The following NCOA3 variants were observed in gnomAD, a reference collection of about 807,000 sequenced individuals.
The protein encoded by NCOA3 is nuclear receptor coactivator 3.
Under a neutral mutation model 158.8 loss-of-function variants are expected in NCOA3, and 51 were observed. That is an observed-to-expected ratio of 0.32 (90% CI 0.26 to 0.41). The LOEUF is 0.41. NCOA3 is among the 10% of genes least tolerant of loss of function. The pLI, the probability that NCOA3 is intolerant of heterozygous loss-of-function variation, is 1.00. For synonymous variants in NCOA3, 537 were observed against 592.4 expected, an observed-to-expected ratio of 0.91 and a Z score of 1.36; for missense variants, 1,510 against 1,746.6, an observed-to-expected ratio of 0.86 and a Z score of 2.41.
intron 1 of NCOA3, among the ~76,000 whole-genome samples, chr20:47,567,196 C>T (rs1194275238): frequency 6.6e-6 from 1 of 150,752 alleles, no homozygotes; most frequent in Non-Finnish European, 1.5e-5. Context: ...TACAGGTGTG[C>T]ACCACCACAC....
chr20:47,558,579 T>A (rs989520272), intron 1 of NCOA3, among the ~76,000 whole-genome samples: 1 of 152,158 alleles, frequency 6.6e-6, no homozygotes, highest in African/African-American at 2.4e-5. Context: ...TCAGTGTCCC[T>A]ATCAGTAAAA....
intron 2 of NCOA3, among the ~76,000 whole-genome samples, chr20:47,614,574 C>T (rs2086101789): frequency 1.3e-5 from 2 of 152,170 alleles, no homozygotes; most frequent in Admixed American, 6.5e-5. Flanking sequence ...ACAAGCCTGA[C>T]AGATAAACTA....
chr20:47,573,661 A>G (rs2085329714), intron 1 of NCOA3, among the ~76,000 whole-genome samples: 1 of 152,236 alleles, frequency 6.6e-6, no homozygotes, highest in Admixed American at 6.5e-5. Flanking sequence ...AAAATTGAGG[A>G]AAAATTCATT....
At chr20:47,559,170 C>T (rs759463547) in intron 1 of NCOA3, among the ~76,000 whole-genome samples, 14 of 151,900 alleles carry the variant, frequency 9.2e-5, no homozygotes, top group Non-Finnish European at 1.3e-4. Context: ...TAAACCAACT[C>T]AATGCCTTCA....
chr20:47,593,451 C>T (rs2085686985), intron 2 of NCOA3, among the ~76,000 whole-genome samples: 1 of 146,942 alleles, frequency 6.8e-6, no homozygotes, highest in South Asian at 2.1e-4. Context: ...ACTCCATTCT[C>T]CTGCCTCAGC....
intron 1 of NCOA3, among the ~76,000 whole-genome samples, chr20:47,571,868 C>T (rs867171089): frequency 2.0e-4 from 31 of 152,126 alleles, no homozygotes; most frequent in Middle Eastern, 3.4e-3. Flanking sequence ...GCTGGGACTA[C>T]AGGCACATGC....
intron 1 of NCOA3, among the ~76,000 whole-genome samples, chr20:47,538,502 T>C (rs2084670234): frequency 6.6e-6 from 1 of 152,124 alleles, no homozygotes; most frequent in Non-Finnish European, 1.5e-5. Flanking sequence ...TTTCTCTGCC[T>C]CCTTAAAGAA....
chr20:47,540,024 A>G (rs2084697484), intron 1 of NCOA3, among the ~76,000 whole-genome samples: 1 of 152,182 alleles, frequency 6.6e-6, no homozygotes. Context: ...TCTTCATTTG[A>G]GAGAGGAGGA....
intron 16 of NCOA3, among the ~76,000 whole-genome samples, chr20:47,641,310 A>C (rs935672807): frequency 6.8e-5 from 10 of 147,916 alleles, no homozygotes; most frequent in Non-Finnish European, 1.3e-4. Context: ...CACGTCAGTG[A>C]TAGCTCAACA....
intron 1 of NCOA3, among the ~76,000 whole-genome samples, chr20:47,578,268 C>T (rs1274928029): frequency 1.3e-5 from 2 of 151,544 alleles, no homozygotes; most frequent in African/African-American, 4.8e-5. Flanking sequence ...TCACTGCAAC[C>T]TCTGCCTACG....
intron 1 of NCOA3, among the ~76,000 whole-genome samples, chr20:47,577,603 T>C (rs2085391877): frequency 6.6e-6 from 1 of 152,238 alleles, no homozygotes; most frequent in South Asian, 2.1e-4. Flanking sequence ...TTAGGAACTT[T>C]AGGTCTGTTT....
chr20:47,564,322 C>T (rs2085158035), intron 1 of NCOA3, among the ~76,000 whole-genome samples: 1 of 151,808 alleles, frequency 6.6e-6, no homozygotes. Context: ...TGTATATGGA[C>T]ATCTACTGCA....
intron 2 of NCOA3, among the ~76,000 whole-genome samples, chr20:47,587,620 T>TTA (rs1203571797): frequency 3.9e-5 from 6 of 152,220 alleles, no homozygotes; most frequent in Non-Finnish European, 5.9e-5. Context: ...AGATTACTTA[T>TTA]AAGAATCTAA....
intron 1 of NCOA3, among the ~76,000 whole-genome samples, chr20:47,504,289 G>T (rs570724197): frequency 3.3e-5 from 5 of 152,108 alleles, no homozygotes; most frequent in African/African-American, 1.2e-4. Flanking sequence ...AAAGTGCCAC[G>T]CACCTCCCGA....
At chr20:47,524,595 TAAG>T (rs1461657067) in intron 1 of NCOA3, among the ~76,000 whole-genome samples, 5 of 151,938 alleles carry the variant, frequency 3.3e-5, no homozygotes, top group African/African-American at 4.8e-5. Flanking sequence ...GTTTAATAGA[TAAG>T]AAGTGAAGGG....
At chr20:47,616,317 C>T (rs1222003205) in intron 2 of NCOA3, among the ~76,000 whole-genome samples, 1 of 151,648 alleles carries the variant, frequency 6.6e-6, no homozygotes, top group African/African-American at 2.4e-5. Context: ...CCTCAGTCCC[C>T]CAAGTAGCTG....
chr20:47,617,908 A>G (rs1398793214), intron 2 of NCOA3, among the ~76,000 whole-genome samples: 1 of 152,208 alleles, frequency 6.6e-6, no homozygotes, highest in Non-Finnish European at 1.5e-5. Context: ...ATGTCTAATT[A>G]AGAACTACAA....
At chr20:47,514,402 TA>T (rs1357055173) in intron 1 of NCOA3, among the ~76,000 whole-genome samples, 2 of 152,258 alleles carry the variant, frequency 1.3e-5, no homozygotes, top group African/African-American at 4.8e-5. Context: ...AATCTTTTTT[TA>T]TTTTTTTTGA....
intron 2 of NCOA3, among the ~76,000 whole-genome samples, chr20:47,620,443 AGT>A (rs2086221139): frequency 6.6e-6 from 1 of 152,214 alleles, no homozygotes; most frequent in African/African-American, 2.4e-5. Context: ...CATACCTTTA[AGT>A]TTAAAACTCT....
Sources: allele counts gnomAD v4.1 joint callset (sites outside exome capture counted in the v4.1 genomes callset), GRCh38; gene constraint gnomAD v4.1.1; transcripts MANE v1.5; gene names NCBI Gene and HGNC (gene_info 2026-07-23, HGNC 2026-07-21).